The following EPB41L2 variants were observed in gnomAD, a reference collection of about 807,000 sequenced individuals.
EPB41L2 encodes the protein band 4.1-like protein 2.
A neutral mutation model predicts 113.0 loss-of-function variants in EPB41L2; 43 were observed. The observed-to-expected ratio is 0.38, with a 90% CI of 0.30 to 0.49. The LOEUF is 0.49. EPB41L2 is among the 20% of genes least tolerant of loss of function. The probability of loss-of-function intolerance (pLI) is 0.95; values close to 1 mark genes in which losing one functional copy is unlikely to be tolerated. For missense variants in EPB41L2, 1,147 were observed against 1,223.4 expected, an observed-to-expected ratio of 0.94 and a Z score of 0.93; for synonymous variants, 442 against 436.7, an observed-to-expected ratio of 1.01 and a Z score of -0.15.
intron 1 of EPB41L2, among the ~76,000 whole-genome samples, chr6:130,959,806 T>C (rs544004356): frequency 3.3e-5 from 5 of 152,318 alleles, no homozygotes; most frequent in Middle Eastern, 3.4e-3. Flanking sequence ...AATGTCCTGG[T>C]AAAATTAAAA....
Position 130,955,899 on chromosome 6 carries a change from A to G in EPB41L2, c.492+95T>C. On this transcript the variant is annotated intron_variant, in intron 2 of 19. Transcript: ENST00000337057. ...TTAAGCTAAAGCAGTATCTCAGTACAAGAAATCTGGAAATGATCCAAAACA... is the reference window on the plus strand; with the variant it reads ...TTAAGCTAAAGCAGTATCTCAGTACGAGAAATCTGGAAATGATCCAAAACA... The G allele has an allele frequency of 2.6e-6, 4 of 1,520,702 alleles. No homozygotes were observed. In the East Asian group the frequency reaches 6.7e-5, roughly 26 times the overall value. 94.2% of individuals were successfully genotyped at this position (1,520,702 alleles called of 1,614,324 possible). A position where few individuals can be genotyped will look rare whatever the true frequency, so the allele number is the denominator to read the frequency against.
chr6:130,897,780 C>G (rs1795095195), intron 8 of EPB41L2, among the ~76,000 whole-genome samples: 1 of 152,042 alleles, frequency 6.6e-6, no homozygotes, highest in Non-Finnish European at 1.5e-5. Context: ...TAGGATTTAC[C>G]AGACGGTATC....
chr6:130,936,486 T>A (rs1486203369), intron 3 of EPB41L2, among the ~76,000 whole-genome samples: 1 of 152,178 alleles, frequency 6.6e-6, no homozygotes, highest in Non-Finnish European at 1.5e-5. Context: ...AAGTACTAAA[T>A]AGGGTTTAAT....
intron 1 of EPB41L2, among the ~76,000 whole-genome samples, chr6:130,986,026 T>G (rs1317522580): frequency 2.0e-5 from 3 of 152,044 alleles, no homozygotes; most frequent in Non-Finnish European, 4.4e-5. Flanking sequence ...AAAAGTAAAC[T>G]ACAGACCAAC....
chr6:130,892,403 C>CTTTTTTTTTTTTTTTTTTTTTTTTT (rs60350565), intron 10 of EPB41L2, among the ~76,000 whole-genome samples: 20 of 92,622 alleles, frequency 2.2e-4, no homozygotes, highest in Non-Finnish European at 2.4e-4. Flanking sequence ...CAGATTATTG[C>CTTTTTTTTTTTTTTTTTTTTTTTTT]TTTTTTTTTT....
intron 4 of EPB41L2, among the ~76,000 whole-genome samples, chr6:130,917,133 C>A (rs1283087941): frequency 6.6e-6 from 1 of 152,196 alleles, no homozygotes; most frequent in Non-Finnish European, 1.5e-5. Context: ...AAGAGATATG[C>A]AACCACAGTC....
In EPB41L2 at chr6:130,876,148, G is replaced by C. The variant is rs1787497048; in HGVS notation, c.2043+1956C>G. Among the ~76,000 whole-genome samples the C allele has an allele frequency of 2.0e-5, 3 of 152,164 alleles. No homozygotes were observed. In the South Asian group the frequency reaches 6.2e-4, roughly 32 times the overall value. The stretch of plus-strand genomic sequence containing the variant: ...GAAGAATGAGGATGTAAAAGCAATG[G>C]AAAGTGAACTTCCTCACCAGTGTCA... On this transcript the variant is annotated intron_variant, in intron 14 of 19. Coordinates refer to ENST00000337057, the MANE Select transcript of EPB41L2 (RefSeq NM_001431.4).
intron 14 of EPB41L2, chr6:130,876,816 C>T (rs1787718756): frequency 8.3e-7 from 1 of 1,200,298 alleles, no homozygotes; most frequent in Non-Finnish European, 1.1e-6. Flanking sequence ...AAATAAGACA[C>T]ATACATTACA....
Position 130,965,350 on chromosome 6 carries a change from C to T in EPB41L2, c.-14-8851G>A, listed in dbSNP as rs186512824. On this transcript the variant is annotated intron_variant, in intron 1 of 19. Transcript: ENST00000337057. ...AGCAGCCACGATTTTCTTGTTATCT[C>T]TTCAGGAAATCACACAATGAATGGT... 1.8e-3 allele frequency among the ~76,000 whole-genome samples: 276 copies of T among 152,172 alleles called. 1 individual carries two copies. The highest frequency in any genetic ancestry group is 6.3e-3 in the African/African-American group (260 of 41,526).
chr6:130,982,385 T>C (rs571402071), intron 1 of EPB41L2, among the ~76,000 whole-genome samples: 99 of 152,284 alleles, frequency 6.5e-4, no homozygotes, highest in African/African-American at 2.3e-3. Flanking sequence ...CTTAAATATA[T>C]AACAGTTGCA....
At chr6:130,946,858 T>C (rs1813018290) in intron 3 of EPB41L2, among the ~76,000 whole-genome samples, 2 of 152,090 alleles carry the variant, frequency 1.3e-5, no homozygotes, top group Non-Finnish European at 2.9e-5. Context: ...ATATTCACAT[T>C]AAATGGTTTA....
chr6:130,881,238 T>C (rs148287082), intron 12 of EPB41L2: 3 of 152,182 alleles, frequency 2.0e-5, no homozygotes, highest in African/African-American at 7.2e-5. Flanking sequence ...CTAATATATA[T>C]CCTTTTCCTT....
intron 1 of EPB41L2, among the ~76,000 whole-genome samples, chr6:130,988,546 G>T (rs924988601): frequency 6.6e-6 from 1 of 152,124 alleles, no homozygotes; most frequent in African/African-American, 2.4e-5. Flanking sequence ...CTTTCCTGAG[G>T]GGTGGCGGGG....
intron 1 of EPB41L2, among the ~76,000 whole-genome samples, chr6:131,025,772 G>A (rs1790731118): frequency 6.6e-6 from 1 of 152,182 alleles, no homozygotes; most frequent in Non-Finnish European, 1.5e-5. Context: ...TACCGTACAA[G>A]CAGCAAAGCA....
intron 1 of EPB41L2, among the ~76,000 whole-genome samples, chr6:130,992,069 CAT>C (rs1332170036): frequency 6.6e-6 from 1 of 152,098 alleles, no homozygotes; most frequent in African/African-American, 2.4e-5. Context: ...AAATTACACA[CAT>C]GTTGAGTAAA....
chr6:130,892,930 A>G (rs534506101), intron 10 of EPB41L2, among the ~76,000 whole-genome samples: 1 of 152,324 alleles, frequency 6.6e-6, no homozygotes, highest in African/African-American at 2.4e-5. Context: ...CGTATTTGGT[A>G]GAACAGTATT....
intron 1 of EPB41L2, among the ~76,000 whole-genome samples, chr6:130,982,250 C>T (rs1367039999): frequency 6.6e-6 from 1 of 152,148 alleles, no homozygotes; most frequent in Admixed American, 6.5e-5. Flanking sequence ...CCAACAAATA[C>T]TTCTTCTGCA....
chr6:131,012,115 G>T (rs908683275), intron 1 of EPB41L2, among the ~76,000 whole-genome samples: 2 of 151,982 alleles, frequency 1.3e-5, no homozygotes, highest in Admixed American at 6.5e-5. Flanking sequence ...TGAGGCATGA[G>T]AATCACTTTA....
chr6:130,876,547 T>C, intron 14 of EPB41L2: 1 of 394,650 alleles, frequency 2.5e-6, no homozygotes, highest in Non-Finnish European at 4.4e-6. Flanking sequence ...ACTTTTTAAA[T>C]GCTCAAAAAT....
Sources: gnomAD v4.1 joint callset for allele counts (sites outside exome capture counted in the v4.1 genomes callset) on GRCh38, gnomAD v4.1.1 for gene constraint, MANE v1.5 for transcripts, NCBI Gene and HGNC (gene_info 2026-07-23, HGNC 2026-07-21) for gene names.